GPR146: variants seen among roughly 807,000 people sequenced by gnomAD.
The protein encoded by GPR146 is G protein-coupled receptor 146.
For missense variants in GPR146, 381 were observed against 213.9 expected, an observed-to-expected ratio of 1.78 and a Z score of -4.87; for synonymous variants, 203 against 104.3, an observed-to-expected ratio of 1.95 and a Z score of -5.77.
At chr7:1,048,146 G>T (rs993762522) in intron 1 of GPR146, among the ~76,000 whole-genome samples, 8 of 152,284 alleles carry the variant, frequency 5.3e-5, no homozygotes, top group African/African-American at 1.7e-4. Flanking sequence ...CTGAGAGAAC[G>T]AGGGGAAGCG....
intron 1 of GPR146, among the ~76,000 whole-genome samples, chr7:1,053,713 G>A (rs1045657065): frequency 6.6e-5 from 10 of 152,332 alleles, no homozygotes; most frequent in African/African-American, 9.6e-5. Flanking sequence ...TGTAATCCCA[G>A]CTATTCGGGA....
chr7:1,058,023 C>T lies in GPR146; in HGVS notation c.508C>T (p.His170Tyr), dbSNP rs138328840. The change falls in exon 2 of 2, where the codon CAT (histidine) becomes TAT (tyrosine). Residue 170 changes from histidine (H) to tyrosine (Y), a missense_variant. His to Tyr is a moderately conservative substitution (Grantham distance 83). Coordinates refer to ENST00000444847, the MANE Select transcript of GPR146 (RefSeq NM_001303473.2). ...CTCGCTGCTCTTCTACATCTGCAGC[C>T]ATGTGTCCACCCGCGCGCTAGAGTG... ...FSSLLFYICS[H>Y]VSTRALECAK... 2.5e-5 allele frequency: 19 copies of T among 769,542 alleles called. No homozygotes were observed. The African/African-American group carries it at 3.0e-4, about 12-fold the overall frequency. The allele number at this position is 769,542 out of a possible 1,614,324, so 47.7% of individuals were successfully genotyped here. A position where few individuals can be genotyped will look rare whatever the true frequency, so the allele number is the denominator to read the frequency against.
At chr7:1,047,181 C>T (rs1056998120) in intron 1 of GPR146, among the ~76,000 whole-genome samples, 2 of 152,248 alleles carry the variant, frequency 1.3e-5, no homozygotes, top group African/African-American at 2.4e-5. Context: ...AGGGAACTGG[C>T]GCCCATAGCT....
At chr7:1,055,522 TG>T in intron 1 of GPR146, 1 of 447,940 alleles carries the variant, frequency 2.2e-6, no homozygotes, top group Non-Finnish European at 4.5e-6. Flanking sequence ...AGAGGGGACG[TG>T]GGGGGCTCTG....
Position 1,051,650 on chromosome 7 carries a change from A to C in GPR146, c.-24-5842A>C, listed in dbSNP as rs957575177. ...TTGGGAAGGACGGGCAGTAGGTGCA[A>C]GGCTGGCCCTTTTTATGAGAGTTAT... is the stretch of plus-strand genomic sequence containing the variant. On this transcript the variant is annotated intron_variant, in intron 1 of 1. Transcript: ENST00000444847. 1.9e-4 allele frequency among the ~76,000 whole-genome samples: 29 copies of C among 152,220 alleles called. 1 individual carries two copies. Among genetic ancestry groups the C allele is most frequent in the Admixed American group, 1.6e-3 (24 of 15,288 alleles).
At chr7:1,050,039 T>G (rs1052899379) in intron 1 of GPR146, among the ~76,000 whole-genome samples, 1 of 152,186 alleles carries the variant, frequency 6.6e-6, no homozygotes, top group African/African-American at 2.4e-5. Context: ...TCTGGCGGGC[T>G]AGGCCTTGGC....
Position 1,053,424 on chromosome 7 carries a change from G to A in GPR146, c.-24-4068G>A, listed in dbSNP as rs575977393. On this transcript the variant is annotated intron_variant, in intron 1 of 1. Coordinates refer to ENST00000444847, the MANE Select transcript of GPR146 (RefSeq NM_001303473.2). ...TGGGTTGGCTGTGAGGGTCGGGCACGCGTCACGAGTCTCCTGTGACCAGGA... is the reference window on the plus strand; with the variant it reads ...TGGGTTGGCTGTGAGGGTCGGGCACACGTCACGAGTCTCCTGTGACCAGGA... 1.8e-4 allele frequency among the ~76,000 whole-genome samples: 28 copies of A among 152,336 alleles called. No homozygotes were observed. In the South Asian group the frequency reaches 4.3e-3, roughly 24 times the overall value.
At chr7:1,054,266 A>G (rs1783486470) in intron 1 of GPR146, among the ~76,000 whole-genome samples, 1 of 152,250 alleles carries the variant, frequency 6.6e-6, no homozygotes, top group South Asian at 2.1e-4. Context: ...GAAAACAGGT[A>G]CGGCTCGGCT....
Position 1,057,650 on chromosome 7 carries a change from C to T in GPR146, c.135C>T (p.Asn45=), listed in dbSNP as rs148577180. The T allele has an allele frequency of 1.1e-4, 88 of 770,540 alleles. No homozygotes were observed. The African/African-American group carries it at 1.2e-3, about 10-fold the overall frequency. The allele number at this position is 770,540 out of a possible 1,614,324, so 47.7% of individuals were successfully genotyped here. A position where few individuals can be genotyped will look rare whatever the true frequency, so the allele number is the denominator to read the frequency against. The change falls in exon 2 of 2, where the codon AAC becomes AAT. Residue 45 remains asparagine, a synonymous_variant. Transcript: ENST00000444847. The part of the protein sequence containing the change: ...VVGVPVGLCY[N]ALLVLANLHS... The stretch of plus-strand genomic sequence containing the variant: ...GCGTGCCAGTGGGCCTGTGCTACAA[C>T]GCCCTGCTGGTGCTGGCCAACCTAC...
rs1193395406 is a variant in GPR146, at chr7:1,044,596, C to T, written c.-87C>T. 5 of 150,890 alleles carry T rather than the reference C, an allele frequency of 3.3e-5. No individual in the cohort carries two copies. Among genetic ancestry groups the T allele is most frequent in the Non-Finnish European group, 3.0e-5 (2 of 67,604 alleles). The allele number at this position is 150,890 out of a possible 1,614,324, so 9.3% of individuals were successfully genotyped here. On this transcript the variant is annotated 5_prime_UTR_variant, in exon 1 of 2. Transcript: ENST00000444847. ...GCGGCGTGCGCGCCGTGAGCCCCGC[C>T]GCCTCCGCCAGCCCGAGCTGCCCGC...
In GPR146 at chr7:1,052,836, G is replaced by A. The variant is rs79567787; in HGVS notation, c.-24-4656G>A. Among the ~76,000 whole-genome samples, 42 of 152,240 alleles carry A rather than the reference G, an allele frequency of 2.8e-4. No individual in the cohort carries two copies. Among genetic ancestry groups the A allele is most frequent in the African/African-American group, 8.7e-4 (36 of 41,536 alleles). On this transcript the variant is annotated intron_variant, in intron 1 of 1. Transcript: ENST00000444847. This position sits in a 1 kb window ranked among gnomAD's most constrained non-coding sequence, Gnocchi z 4.2. ...TGCAGCATGGGGTTGGGGGGCAGGC[G>A]GCCCTTCTCTGTGGTCTCTCCTGCC...
At chr7:1,047,204 G>T (rs896843499) in intron 1 of GPR146, among the ~76,000 whole-genome samples, 2 of 152,244 alleles carry the variant, frequency 1.3e-5, no homozygotes, top group Non-Finnish European at 2.9e-5. Context: ...AGGCACAGGT[G>T]CCCAGCCCGC....
chr7:1,051,005 C>T (rs1430533805), intron 1 of GPR146, among the ~76,000 whole-genome samples: 1 of 152,236 alleles, frequency 6.6e-6, no homozygotes, highest in African/African-American at 2.4e-5. Context: ...ACCCCACAGG[C>T]CAGCAGAGGC....
intron 1 of GPR146, among the ~76,000 whole-genome samples, chr7:1,053,696 A>AC (rs1783402684): frequency 6.6e-6 from 1 of 152,184 alleles, no homozygotes; most frequent in Admixed American, 6.5e-5. Context: ...GTGTGGTGGC[A>AC]GTCGCCTGTA....
rs766333169 is a variant in GPR146 at position 1,057,624 on chromosome 7, G to A, written c.109G>A (p.Gly37Ser). ...GTTGTCGCTGCTGGGCCTGGTGGTG[G>A]GCGTGCCAGTGGGCCTGTGCTACAA... The part of the protein sequence containing the change: ...SLLSLLGLVV[G>S]VPVGLCYNAL... Residue 37 changes from glycine to serine, a missense_variant, in exon 2 of 2, where the codon GGC becomes AGC. Physicochemically the swap from Gly to Ser is moderately conservative, Grantham distance 56. Coordinates refer to ENST00000444847, the MANE Select transcript of GPR146 (RefSeq NM_001303473.2). The A allele has an allele frequency of 2.6e-6, 2 of 769,820 alleles. No individual in the cohort carries two copies. Among genetic ancestry groups the A allele is most frequent in the East Asian group, 2.4e-5 (1 of 40,962 alleles). 47.7% of individuals were successfully genotyped at this position (769,820 alleles called of 1,614,324 possible).
chr7:1,052,213 G>T lies in GPR146; in HGVS notation c.-24-5279G>T, dbSNP rs117161183. 1.2e-3 allele frequency among the ~76,000 whole-genome samples: 188 copies of T among 152,370 alleles called. No individual in the cohort carries two copies. In the East Asian group the frequency reaches 0.018, roughly 15 times the overall value. ...CCCTGAGGCCTGCTCCAGGCTGAGT[G>T]GGTGAGGAGCCTCTGAGCAGGCGCC... On this transcript the variant is annotated intron_variant, in intron 1 of 1. Coordinates refer to ENST00000444847, the MANE Select transcript of GPR146 (RefSeq NM_001303473.2). This position sits in a 1 kb window ranked among gnomAD's most constrained non-coding sequence, Gnocchi z 4.2.
intron 1 of GPR146, among the ~76,000 whole-genome samples, chr7:1,048,242 C>T (rs546013778): frequency 3.9e-5 from 6 of 152,182 alleles, no homozygotes; most frequent in Admixed American, 6.5e-5. Context: ...GATCACCGGG[C>T]GTGGGACTTG....
chr7:1,048,459 C>T (rs56770221), intron 1 of GPR146, among the ~76,000 whole-genome samples: 249 of 152,186 alleles, frequency 1.6e-3, no homozygotes, highest in African/African-American at 5.4e-3. Context: ...TACAGGGACC[C>T]GGGTGCCTCT....
chr7:1,057,725 A>C lies in GPR146; in HGVS notation c.210A>C (p.Ala70=), dbSNP rs371346579. The change falls in exon 2 of 2, where the codon GCA becomes GCC. Residue 70 remains alanine (A), a synonymous_variant. Transcript: ENST00000444847. ...CGGACGTGTACTTTGTCAACATGGC[A>C]GTGGCAGGCCTGGTGCTCAGCGCCC... ...TMPDVYFVNM[A]VAGLVLSALA... 8.3e-5 allele frequency: 64 copies of C among 775,588 alleles called. No individual in the cohort carries two copies. The highest frequency in any genetic ancestry group is 1.4e-4 in the Non-Finnish European group (60 of 417,538). 48.0% of individuals were successfully genotyped at this position (775,588 alleles called of 1,614,324 possible).
Sources: gnomAD v4.1 joint callset for allele counts (sites outside exome capture counted in the v4.1 genomes callset) on GRCh38, gnomAD v4.1.1 for gene constraint, Gnocchi (gnomAD v3.1) non-coding constraint, MANE v1.5 for transcripts, NCBI Gene and HGNC (gene_info 2026-07-23, HGNC 2026-07-21) for gene names.